Variants in GRK4 observed in about 807,000 individuals in gnomAD.
GRK4 encodes the protein G protein-coupled receptor kinase 4.
Under a neutral mutation model 77.9 loss-of-function variants are expected in GRK4, and 73 were observed. The observed-to-expected ratio is 0.94, with a 90% CI of 0.78 to 1.14. The LOEUF is 1.14. GRK4 is among the 50% of genes most tolerant of loss of function. The pLI, the probability that GRK4 is intolerant of heterozygous loss-of-function variation, is 0.00. For synonymous variants in GRK4, 257 were observed against 254.4 expected, an observed-to-expected ratio of 1.01 and a Z score of -0.10; for missense variants, 729 against 700.2, an observed-to-expected ratio of 1.04 and a Z score of -0.46.
At chr4:2,972,200 T>C (rs1719763072) in intron 1 of GRK4, among the ~76,000 whole-genome samples, 1 of 152,122 alleles carries the variant, frequency 6.6e-6, no homozygotes. Context: ...CTCTGACAGT[T>C]TTCAACCCAG....
At chr4:2,982,043 G>A (rs1723027251) in intron 1 of GRK4, among the ~76,000 whole-genome samples, 1 of 152,268 alleles carries the variant, frequency 6.6e-6, no homozygotes, top group Admixed American at 6.5e-5. Flanking sequence ...CAGGTGCCAG[G>A]AGCAGTGAGA....
intron 14 of GRK4, 112 bp downstream of exon 14, chr4:3,037,623 ATT>A: frequency 7.8e-7 from 1 of 1,283,956 alleles, no homozygotes; most frequent in Non-Finnish European, 1.1e-6. Context: ...GGGAGATAAA[ATT>A]ATATAAGACG....
rs1227066347 is a variant in GRK4 at position 3,027,939 on chromosome 4, T to A, written c.998T>A (p.Leu333Ter). The change falls in exon 11 of 16, where the codon TTG becomes TAG. Residue 333 changes from leucine to a stop codon, truncating the protein, a stop_gained. Transcript: ENST00000398052. LOFTEE classifies it high-confidence loss of function. ...RGHIRISDLGLATEIPEGQRV... is the reference protein window; with the variant it reads ...RGHIRISDLG ...CACATCCGGATTTCAGACCTCGGTT[T>A]GGCCACAGAGATCCCAGAAGGACAG... 1 of 1,614,178 alleles carries A rather than the reference T, an allele frequency of 6.2e-7. No individual in the cohort carries two copies. The highest frequency in any genetic ancestry group is 1.1e-5 in the South Asian group (1 of 91,084).
chr4:3,001,193 ATGTATATATGTGTATGTG>A (rs1345770312), intron 4 of GRK4, among the ~76,000 whole-genome samples: 2,101 of 107,732 alleles, frequency 0.02, 15 homozygotes, highest in African/African-American at 0.025. Context: ...GTGTATATAT[ATGTATATATGTGTATGTG>A]TATATATATG....
At chr4:3,019,125 T>C (rs530024920) in intron 8 of GRK4, among the ~76,000 whole-genome samples, 4 of 152,150 alleles carry the variant, frequency 2.6e-5, no homozygotes, top group Non-Finnish European at 5.9e-5. Context: ...CAAATGGCTA[T>C]TAATTATATG....
At chr4:2,970,635 C>T (rs1221274824) in intron 1 of GRK4, among the ~76,000 whole-genome samples, 5 of 148,426 alleles carry the variant, frequency 3.4e-5, no homozygotes, top group East Asian at 2.0e-4. Flanking sequence ...TCCAACCTGG[C>T]GACACGGTGA....
chr4:3,022,534 C>G, intron 10 of GRK4, 83 bp downstream of exon 10: 5 of 1,208,582 alleles, frequency 4.1e-6, no homozygotes, highest in African/African-American at 1.5e-5. Flanking sequence ...AGAAAGTGGA[C>G]TTAATGATTA....
chr4:2,999,299 C>T (rs1331226596), intron 4 of GRK4, among the ~76,000 whole-genome samples: 3 of 152,044 alleles, frequency 2.0e-5, no homozygotes, highest in Middle Eastern at 3.2e-3. Context: ...AGGAACCTGC[C>T]GCAATGCCGC....
chr4:3,022,721 G>A (rs2471326), intron 10 of GRK4, among the ~76,000 whole-genome samples: 69,300 of 151,846 alleles, frequency 0.46, 16,925 homozygotes, highest in African/African-American at 0.61. Flanking sequence ...GGGTCTTGCT[G>A]TGTCGCCCAG....
chr4:2,980,159 C>T (rs1400330211), intron 1 of GRK4, among the ~76,000 whole-genome samples: 2 of 152,204 alleles, frequency 1.3e-5, no homozygotes, highest in African/African-American at 4.8e-5. Flanking sequence ...CAGTGCCTGG[C>T]ACACTGGACA....
intron 5 of GRK4, among the ~76,000 whole-genome samples, chr4:3,004,955 G>A (rs750273017): frequency 1.3e-4 from 19 of 151,916 alleles, no homozygotes; most frequent in Non-Finnish European, 2.5e-4. Flanking sequence ...ATGTACACAC[G>A]AGGCACACTG....
chr4:2,983,677 G>A (rs1279936414), intron 1 of GRK4, among the ~76,000 whole-genome samples: 1 of 152,012 alleles, frequency 6.6e-6, no homozygotes, highest in East Asian at 1.9e-4. Flanking sequence ...TATATGATTA[G>A]CATTTTTTTC....
intron 10 of GRK4, among the ~76,000 whole-genome samples, chr4:3,025,463 C>T (rs368747655): frequency 0.01 from 1,430 of 141,802 alleles, 26 homozygotes; most frequent in African/African-American, 0.036. Context: ...GATCTCGGCT[C>T]ACTGTAAGCT....
rs1732299972 is a variant in GRK4 at position 3,009,586 on chromosome 4, CTT to C, written c.537-59_537-58del. 9.1e-6 allele frequency: 12 copies of C among 1,315,190 alleles called. No homozygotes were observed. In the South Asian group the frequency reaches 1.3e-4, roughly 14 times the overall value. 81.5% of individuals were successfully genotyped at this position (1,315,190 alleles called of 1,614,324 possible). A position where few individuals can be genotyped will look rare whatever the true frequency, so the allele number is the denominator to read the frequency against. ...GAGGCGAAGACAAGCGCTGAGTAAACTTTTCTTTTTTAAAAGAACAATGCAAT... is the reference window on the plus strand; with the variant it reads ...GAGGCGAAGACAAGCGCTGAGTAAACTTCTTTTTTAAAAGAACAATGCAAT... On this transcript the variant is annotated intron_variant, in intron 6 of 15. Coordinates refer to ENST00000398052, the MANE Select transcript of GRK4 (RefSeq NM_182982.3).
Position 3,038,414 on chromosome 4 carries a change from T to A in GRK4, c.1584T>A (p.Ser528Arg). 1 of 1,614,104 alleles carries A rather than the reference T, an allele frequency of 6.2e-7. No individual in the cohort carries two copies. The highest frequency in any genetic ancestry group is 1.1e-5 in the South Asian group (1 of 91,082). ...GGTGTTTCAAAGACATCAACAAAAG[T>A]GAAAGTGAGGAAGCTTTGCCATTAG... is the stretch of plus-strand genomic sequence containing the variant. ...ESGCFKDINK[S>R]ESEEALPLDL... The change falls in exon 15 of 16, where the codon AGT (serine) becomes AGA (arginine). Residue 528 changes from serine to arginine, a missense_variant. Transcript: ENST00000398052.
intron 12 of GRK4, among the ~76,000 whole-genome samples, 184 bp from the exon 13 acceptor site, chr4:3,035,202 A>G (rs1390301474): frequency 6.6e-6 from 1 of 151,830 alleles, no homozygotes; most frequent in Non-Finnish European, 1.5e-5. Context: ...CCGAGATCGC[A>G]CCACTGCACT....
At chr4:2,980,892 C>T (rs1352860226) in intron 1 of GRK4, among the ~76,000 whole-genome samples, 2 of 152,270 alleles carry the variant, frequency 1.3e-5, no homozygotes, top group East Asian at 1.9e-4. Flanking sequence ...GTCCAGATCC[C>T]ATGCCTGCCA....
At chr4:2,997,580 A>G (rs916159430) in intron 4 of GRK4, among the ~76,000 whole-genome samples, 17 of 152,176 alleles carry the variant, frequency 1.1e-4, no homozygotes, top group African/African-American at 4.1e-4. Flanking sequence ...GATAAATGAT[A>G]TCTATGAAAT....
At chr4:2,973,364 G>A (rs1163635318) in intron 1 of GRK4, among the ~76,000 whole-genome samples, 1 of 152,110 alleles carries the variant, frequency 6.6e-6, no homozygotes, top group African/African-American at 2.4e-5. Flanking sequence ...TTGTGATCTT[G>A]TAGTACTATG....
Sources: gnomAD v4.1 joint callset for allele counts (sites outside exome capture counted in the v4.1 genomes callset) on GRCh38, gnomAD v4.1.1 for gene constraint, MANE v1.5 for transcripts, NCBI Gene and HGNC (gene_info 2026-07-23, HGNC 2026-07-21) for gene names.